The following CASZ1 variants were observed in gnomAD, a reference collection of about 807,000 sequenced individuals.
CASZ1 encodes castor zinc finger 1.
In CASZ1, 28 loss-of-function variants were observed where a neutral mutation model predicts 135.2. The observed-to-expected ratio is 0.21, with a 90% CI of 0.15 to 0.28. The LOEUF is 0.28. Among genes scored for constraint, CASZ1 ranks in the 10% least tolerant of loss-of-function variants. The pLI is 1.00. For synonymous variants in CASZ1, 1,068 were observed against 1,073.4 expected (o/e 0.99, Z 0.10); for missense variants, 2,161 against 2,453.3 (o/e 0.88, Z 2.52).
At chr1:10,785,629 G>GCCTGGGGAGAACCCATC (rs1488007316) in intron 1 of CASZ1, among the ~76,000 whole-genome samples, 5 of 152,188 alleles carry the variant, frequency 3.3e-5, no homozygotes, top group African/African-American at 1.2e-4. Context: ...CTCCACCCAG[G>GCCTGGGGAGAACCCATC]CCTGGGGAGC....
chr1:10,778,739 C>T (rs968156744), intron 1 of CASZ1, among the ~76,000 whole-genome samples: 5 of 152,224 alleles, frequency 3.3e-5, no homozygotes, highest in East Asian at 3.9e-4. Flanking sequence ...AATTCCAAGT[C>T]CCCCTGGCAG....
At chr1:10,782,025 C>T (rs1161537492) in intron 1 of CASZ1, among the ~76,000 whole-genome samples, 4 of 152,244 alleles carry the variant, frequency 2.6e-5, no homozygotes, top group Non-Finnish European at 5.9e-5. Flanking sequence ...ACTGGGGGCA[C>T]AGACACCCCC....
chr1:10,659,403 TGGCGTGTGTGGGG>T (rs1642919109), intron 6 of CASZ1, among the ~76,000 whole-genome samples: 1 of 151,638 alleles, frequency 6.6e-6, no homozygotes, highest in Non-Finnish European at 1.5e-5. Context: ...CGTGTGTGGG[TGGCGTGTGTGGGG>T]GGCGTGTGCG....
intron 11 of CASZ1, 108 bp from the exon 12 acceptor site, chr1:10,651,184 G>A: frequency 1.1e-6 from 1 of 886,690 alleles, no homozygotes; most frequent in Non-Finnish European, 1.6e-6. Context: ...GTGGGCCCCG[G>A]CTACTGGTCA....
intron 4 of CASZ1, among the ~76,000 whole-genome samples, chr1:10,681,014 C>T (rs1024410858): frequency 3.9e-5 from 6 of 152,214 alleles, no homozygotes; most frequent in Non-Finnish European, 8.8e-5. Context: ...GATTCTCCTG[C>T]CTCAGCCTCC....
Position 10,694,785 on chromosome 1 carries a change from G to A in CASZ1, c.-23-873C>T, listed in dbSNP as rs951074717. Among the ~76,000 whole-genome samples, 20 of 145,208 alleles carry A rather than the reference G, an allele frequency of 1.4e-4. No individual in the cohort carries two copies. The highest frequency in any genetic ancestry group is 4.7e-4 in the African/African-American group (19 of 40,598). The stretch of plus-strand genomic sequence containing the variant: ...CCCAAACCTCTGGCTCCGGGAGGAG[G>A]AGGCGGGGACTTGCGCTCAGGGCTG... On this transcript the variant is annotated intron_variant, in intron 3 of 20. Transcript: ENST00000377022. The surrounding 1 kb of genome is among the most constrained non-coding windows in gnomAD (Gnocchi z 6.6).
rs2124663790 is a variant in CASZ1, at chr1:10,640,050, A to C, written c.4172T>G (p.Ile1391Ser). The change falls in exon 21 of 21, where the codon ATC becomes AGC. Residue 1391 changes from isoleucine (I) to serine (S), a missense_variant. Coordinates refer to ENST00000377022, the MANE Select transcript of CASZ1 (RefSeq NM_001079843.3). ...GNESTAAGNTISMPTASGAKK... is the reference protein window; with the variant it reads ...GNESTAAGNTSSMPTASGAKK... ...GGCCCCCGAGGCTGTCGGCATAGAGATGGTGTTCCCTGGGGAGGGGCAGGG... is the reference window on the plus strand; with the variant it reads ...GGCCCCCGAGGCTGTCGGCATAGAGCTGGTGTTCCCTGGGGAGGGGCAGGG... 1.9e-6 allele frequency: 3 copies of C among 1,606,218 alleles called. 1 individual carries two copies. The Middle Eastern group carries it at 5.0e-4, about 265-fold the overall frequency.
At position 10,755,689 on chromosome 1, in the gene CASZ1, C is replaced by T. The variant is rs1187665289; in HGVS notation, c.-77+5012G>A. 1.3e-5 allele frequency among the ~76,000 whole-genome samples: 2 copies of T among 152,256 alleles called. No individual in the cohort carries two copies. The highest frequency in any genetic ancestry group is 4.2e-4 in the South Asian group (2 of 4,814). ...AGGAGGCCCAGGCTGGGGTTCGGCACCACCAGGTGGAACACTTGCCCAGAT... is the reference window on the plus strand; with the variant it reads ...AGGAGGCCCAGGCTGGGGTTCGGCATCACCAGGTGGAACACTTGCCCAGAT... On this transcript the variant is annotated intron_variant, in intron 2 of 20. Transcript: ENST00000377022. The surrounding 1 kb of genome is among the most constrained non-coding windows in gnomAD (Gnocchi z 4.3).
rs539868527 is a variant in CASZ1, at chr1:10,706,113, G to A, written c.-76-569C>T. Among the ~76,000 whole-genome samples the A allele has an allele frequency of 5.9e-5, 9 of 152,364 alleles. No homozygotes were observed. The South Asian group carries it at 8.3e-4, about 14-fold the overall frequency. ...CTCCATGCCCCAGGATCAGGCTGCC[G>A]ACAGCACCTTCCACCCCGGGGTCCT... On this transcript the variant is annotated intron_variant, in intron 2 of 20. Transcript: ENST00000377022. This position sits in a 1 kb window ranked among gnomAD's most constrained non-coding sequence, Gnocchi z 4.3.
At chr1:10,790,920 C>T (rs1640945833) in intron 1 of CASZ1, among the ~76,000 whole-genome samples, 1 of 151,834 alleles carries the variant, frequency 6.6e-6, no homozygotes, top group African/African-American at 2.4e-5. Context: ...CATGAGGAAT[C>T]TTATTAGCAA....
Position 10,776,195 on chromosome 1 carries a change from C to T in CASZ1, c.-233-15338G>A, listed in dbSNP as rs921077589. ...AAATGGTAATAAAACACTAATACAG[C>T]GTCTTGTATCCAGGGGAAGAGCTAA... is the stretch of plus-strand genomic sequence containing the variant. On this transcript the variant is annotated intron_variant, in intron 1 of 20. Transcript: ENST00000377022. The surrounding 1 kb of genome is among the most constrained non-coding windows in gnomAD (Gnocchi z 4.1). 2.0e-5 allele frequency among the ~76,000 whole-genome samples: 3 copies of T among 152,230 alleles called. No individual in the cohort carries two copies. The highest frequency in any genetic ancestry group is 4.8e-5 in the African/African-American group (2 of 41,458).
chr1:10,695,741 G>A (rs774817347), intron 3 of CASZ1, among the ~76,000 whole-genome samples: 2 of 152,074 alleles, frequency 1.3e-5, no homozygotes, highest in Non-Finnish European at 2.9e-5. Context: ...TCCATGAACC[G>A]TGCACCATGG....
intron 2 of CASZ1, among the ~76,000 whole-genome samples, chr1:10,751,334 A>T (rs1640146706): frequency 6.6e-6 from 1 of 152,066 alleles, no homozygotes; most frequent in Non-Finnish European, 1.5e-5. Context: ...AGACACACTG[A>T]CCTCAGAGTA....
intron 2 of CASZ1, among the ~76,000 whole-genome samples, chr1:10,752,041 G>T (rs1190215302): frequency 6.6e-6 from 1 of 152,078 alleles, no homozygotes. Context: ...CTCCCTGCCC[G>T]CAGTGACAGC....
chr1:10,728,858 C>T (rs972342879), intron 2 of CASZ1, among the ~76,000 whole-genome samples: 2 of 152,070 alleles, frequency 1.3e-5, no homozygotes, highest in African/African-American at 2.4e-5. Context: ...GCTGGTGAGT[C>T]CCCTCGCTGG....
chr1:10,773,077 C>A (rs555853877), intron 1 of CASZ1, among the ~76,000 whole-genome samples: 2 of 151,674 alleles, frequency 1.3e-5, no homozygotes, highest in African/African-American at 4.8e-5. Context: ...GCTGGGTGCC[C>A]GTGTCATCGA....
chr1:10,699,083 A>G lies in CASZ1; in HGVS notation c.-23-5171T>C, dbSNP rs747476805. Among the ~76,000 whole-genome samples, 4 of 152,174 alleles carry G rather than the reference A, an allele frequency of 2.6e-5. No homozygotes were observed. Among genetic ancestry groups the G allele is most frequent in the Non-Finnish European group, 5.9e-5 (4 of 68,028 alleles). On this transcript the variant is annotated intron_variant, in intron 3 of 20. Coordinates refer to ENST00000377022, the MANE Select transcript of CASZ1 (RefSeq NM_001079843.3). This position sits in a 1 kb window ranked among gnomAD's most constrained non-coding sequence, Gnocchi z 4.6. ...GTGGACAGGTATCACACATGGCTCC[A>G]TGGCCCAGAGGCTGCTTGCTCCAGG...
chr1:10,673,862 CT>C (rs1643482588), intron 4 of CASZ1, among the ~76,000 whole-genome samples: 1 of 152,192 alleles, frequency 6.6e-6, no homozygotes, highest in Non-Finnish European at 1.5e-5. Context: ...CCATCCATGC[CT>C]CGGGCTGAGG....
At chr1:10,789,769 C>T (rs1211784330) in intron 1 of CASZ1, among the ~76,000 whole-genome samples, 1 of 152,198 alleles carries the variant, frequency 6.6e-6, no homozygotes, top group Admixed American at 6.5e-5. Flanking sequence ...AAAAACTCCC[C>T]CTTCCCTTCA....
Sources: gnomAD v4.1 joint callset for allele counts (sites outside exome capture counted in the v4.1 genomes callset) on GRCh38, gnomAD v4.1.1 for gene constraint, Gnocchi (gnomAD v3.1) non-coding constraint, MANE v1.5 for transcripts, NCBI Gene and HGNC (gene_info 2026-07-23, HGNC 2026-07-21) for gene names.